ADGRL2: variants seen among roughly 807,000 people sequenced by gnomAD.
The protein encoded by ADGRL2 is adhesion G protein-coupled receptor L2, also known as calcium-independent alpha-latrotoxin receptor 2.
In ADGRL2, 44 loss-of-function variants were observed where a neutral mutation model predicts 157.4. That is an observed-to-expected ratio of 0.28 (90% CI 0.22 to 0.36). The LOEUF (loss-of-function observed/expected upper bound fraction) is 0.36, where lower values mean the gene tolerates loss of function less well. Ranked by LOEUF, ADGRL2 falls within the 10% of genes least tolerant of loss-of-function variation. ADGRL2 has a pLI of 1.00. For missense variants in ADGRL2, 1,510 were observed against 1,768.9 expected, an observed-to-expected ratio of 0.85 and a Z score of 2.63; for synonymous variants, 585 against 624.7, an observed-to-expected ratio of 0.94 and a Z score of 0.95.
At chr1:81,876,584 T>A (rs921392662) in intron 2 of ADGRL2, among the ~76,000 whole-genome samples, 6 of 111,578 alleles carry the variant, frequency 5.4e-5, no homozygotes, top group Non-Finnish European at 1.1e-4. Flanking sequence ...TACCTGGCTA[T>A]CAATAAGTAC....
At chr1:81,861,164 G>C (rs939418875) in intron 2 of ADGRL2, among the ~76,000 whole-genome samples, 1 of 151,990 alleles carries the variant, frequency 6.6e-6, no homozygotes, top group African/African-American at 2.4e-5. Flanking sequence ...GGGAATACAG[G>C]TGCCAGCCAC....
intron 1 of ADGRL2, among the ~76,000 whole-genome samples, chr1:81,392,655 T>C (rs1241473900): frequency 6.6e-6 from 1 of 152,142 alleles, no homozygotes; most frequent in East Asian, 1.9e-4. Flanking sequence ...TAAGAGACCA[T>C]GCCCAATAGT....
intron 1 of ADGRL2, among the ~76,000 whole-genome samples, chr1:81,403,793 T>C (rs187111621): frequency 8.1e-5 from 11 of 135,026 alleles, no homozygotes; most frequent in Non-Finnish European, 1.7e-4. Context: ...AAAGCCAATG[T>C]CTTTGATTTT....
intron 1 of ADGRL2, among the ~76,000 whole-genome samples, chr1:81,397,053 T>C (rs1257562499): frequency 1.3e-5 from 2 of 152,210 alleles, no homozygotes; most frequent in East Asian, 1.9e-4. Context: ...ACAATTGGTA[T>C]TCATTCTCCT....
At chr1:81,658,445 T>C (rs1325141496) in intron 3 of ADGRL2, among the ~76,000 whole-genome samples, 4 of 152,166 alleles carry the variant, frequency 2.6e-5, no homozygotes, top group Non-Finnish European at 5.9e-5. Flanking sequence ...TTAGGGGGAA[T>C]AAGTGTACTT....
Position 81,489,678 on chromosome 1 carries a change from T to C in ADGRL2, c.-248+44589T>C, listed in dbSNP as rs114879020. Among the ~76,000 whole-genome samples the C allele has an allele frequency of 2.3e-3, 343 of 152,318 alleles. 1 individual carries two copies. The highest frequency in any genetic ancestry group is 8.0e-3 in the African/African-American group (334 of 41,572). On this transcript the variant is annotated intron_variant, in intron 2 of 24. Transcript: ENST00000370721. ...ATGAAGACACATAATAATTAAACTT[T>C]TGATTGAAAGACAGAGAATCTTGTA... is the stretch of plus-strand genomic sequence containing the variant.
At chr1:81,347,294 A>G (rs1227396503) in intron 1 of ADGRL2, among the ~76,000 whole-genome samples, 1 of 152,010 alleles carries the variant, frequency 6.6e-6, no homozygotes, top group Non-Finnish European at 1.5e-5. Flanking sequence ...CCAGCTACTC[A>G]GGAGGCTGAG....
chr1:81,727,722 C>G (rs573798875), intron 1 of ADGRL2, among the ~76,000 whole-genome samples: 1 of 152,036 alleles, frequency 6.6e-6, no homozygotes, highest in Non-Finnish European at 1.5e-5. Context: ...TGAGCCACCA[C>G]GCCTGGCTGA....
At chr1:81,694,660 T>C (rs1419825136) in intron 3 of ADGRL2, among the ~76,000 whole-genome samples, 1 of 152,170 alleles carries the variant, frequency 6.6e-6, no homozygotes, top group Non-Finnish European at 1.5e-5. Context: ...TCATCTTAGA[T>C]AATGAAATGA....
intron 1 of ADGRL2, among the ~76,000 whole-genome samples, chr1:81,414,726 T>C (rs1295684304): frequency 1.3e-5 from 2 of 152,242 alleles, no homozygotes; most frequent in East Asian, 3.9e-4. Context: ...TAACAGCTGC[T>C]GAGTCTCATA....
intron 10 of ADGRL2, among the ~76,000 whole-genome samples, chr1:81,955,006 TAGTC>T (rs1653028390): frequency 6.6e-6 from 1 of 152,202 alleles, no homozygotes; most frequent in Non-Finnish European, 1.5e-5. Flanking sequence ...TTCCAAAGCA[TAGTC>T]AGTGCGTAGC....
intron 1 of ADGRL2, among the ~76,000 whole-genome samples, chr1:81,753,345 C>A (rs1360529514): frequency 6.6e-6 from 1 of 152,070 alleles, no homozygotes; most frequent in Non-Finnish European, 1.5e-5. Context: ...CTTGAGAGAC[C>A]CATTCACTAT....
At chr1:81,876,519 A>G (rs981911258) in intron 2 of ADGRL2, among the ~76,000 whole-genome samples, 1 of 152,174 alleles carries the variant, frequency 6.6e-6, no homozygotes, top group Admixed American at 6.5e-5. Context: ...TCAGACCACT[A>G]GAGAAATCCC....
In ADGRL2 at chr1:81,984,415, T is replaced by C. The variant is rs892135517; in HGVS notation, c.3283-168T>C. On this transcript the variant is annotated intron_variant, in intron 19 of 23. Transcript: ENST00000686636. ...ACAGAGATACTTTTCTGATTACTAT[T>C]TCAGTAATTTTAATTGAACTTGATT... The C allele has an allele frequency of 5.1e-6, 3 of 585,448 alleles. No individual in the cohort carries two copies. In the African/African-American group the frequency reaches 5.6e-5, roughly 11 times the overall value. 36.3% of individuals were successfully genotyped at this position (585,448 alleles called of 1,614,324 possible).
chr1:81,871,982 T>C (rs1472529612), intron 2 of ADGRL2, among the ~76,000 whole-genome samples: 1 of 152,160 alleles, frequency 6.6e-6, no homozygotes, highest in Non-Finnish European at 1.5e-5. Context: ...TTGCTTTTGG[T>C]GTTTTAGACA....
rs181949666 is a variant in ADGRL2 at position 81,818,122 on chromosome 1, A to G, written c.-101+17054A>G. Reference sequence around the variant, plus strand: ...GAGTACGAGGCTGCATTGAGCTACAATCTTGCTACTACACTCCAACCTGGG... The same window carrying G: ...GAGTACGAGGCTGCATTGAGCTACAGTCTTGCTACTACACTCCAACCTGGG... On this transcript the variant is annotated intron_variant, in intron 1 of 23. Transcript: ENST00000686636. Among the ~76,000 whole-genome samples the G allele has an allele frequency of 3.7e-4, 57 of 152,112 alleles. 1 individual carries two copies. The highest frequency in any genetic ancestry group is 1.2e-3 in the African/African-American group (50 of 41,448).
At chr1:81,965,375 G>C (rs1250015852) in intron 11 of ADGRL2, among the ~76,000 whole-genome samples, 4 of 152,126 alleles carry the variant, frequency 2.6e-5, no homozygotes, top group African/African-American at 9.7e-5. Context: ...TGCCAGGCTT[G>C]GCCTGCAGGT....
intron 2 of ADGRL2, among the ~76,000 whole-genome samples, chr1:81,504,710 C>G (rs1032575998): frequency 6.6e-6 from 1 of 152,110 alleles, no homozygotes; most frequent in South Asian, 2.1e-4. Context: ...GCCCTGAAAC[C>G]GTACCAGTTC....
At chr1:81,365,522 T>A (rs2076049915) in intron 1 of ADGRL2, among the ~76,000 whole-genome samples, 1 of 152,134 alleles carries the variant, frequency 6.6e-6, no homozygotes. Flanking sequence ...CTTATTTCTA[T>A]CAAGACTTAA....
Sources: allele counts gnomAD v4.1 joint callset (sites outside exome capture counted in the v4.1 genomes callset), GRCh38; gene constraint gnomAD v4.1.1; transcripts MANE v1.5; gene names NCBI Gene and HGNC (gene_info 2026-07-23, HGNC 2026-07-21).